MAPRE2: variants seen among roughly 807,000 people sequenced by gnomAD.
The protein encoded by MAPRE2 is microtubule-associated protein RP/EB family member 2.
MAPRE2 carries 13 observed loss-of-function variants against 43.2 expected under a neutral mutation model. The ratio of observed to expected loss-of-function variants is 0.30; its 90% confidence interval spans 0.20 to 0.48. The LOEUF is 0.48. Among genes scored for constraint, MAPRE2 ranks in the 20% least tolerant of loss-of-function variants. The probability of loss-of-function intolerance (pLI) is 0.99; values close to 1 mark genes in which losing one functional copy is unlikely to be tolerated. For missense variants in MAPRE2, 161 were observed against 400.2 expected, an observed-to-expected ratio of 0.40 and a Z score of 5.10; for synonymous variants, 135 against 148.8, an observed-to-expected ratio of 0.91 and a Z score of 0.68.
At chr18:35,044,359 T>C (rs1905514492) in intron 1 of MAPRE2, among the ~76,000 whole-genome samples, 1 of 152,178 alleles carries the variant, frequency 6.6e-6, no homozygotes, top group African/African-American at 2.4e-5. Flanking sequence ...GCCTCACGAG[T>C]AGCTGGGATT....
intron 1 of MAPRE2, among the ~76,000 whole-genome samples, chr18:34,995,017 A>G (rs1401336327): frequency 6.6e-6 from 1 of 152,176 alleles, no homozygotes; most frequent in Non-Finnish European, 1.5e-5. Context: ...ACCAACTCAT[A>G]TTTCCATAGA....
chr18:35,053,893 G>A (rs1906081436), intron 1 of MAPRE2, among the ~76,000 whole-genome samples: 1 of 152,104 alleles, frequency 6.6e-6, no homozygotes, highest in Non-Finnish European at 1.5e-5. Flanking sequence ...CATGACATGA[G>A]TTTACCTATA....
intron 4 of MAPRE2, among the ~76,000 whole-genome samples, chr18:35,121,693 A>G (rs1209994506): frequency 1.3e-5 from 2 of 152,214 alleles, no homozygotes; most frequent in Admixed American, 6.5e-5. Context: ...AAAAGCTGTT[A>G]TGTAAATGTT....
At chr18:35,024,586 A>C (rs2097043990) in intron 2 of MAPRE2, among the ~76,000 whole-genome samples, 1 of 152,232 alleles carries the variant, frequency 6.6e-6, no homozygotes, top group Admixed American at 6.5e-5. Context: ...GAGTATCTGC[A>C]GATCAGGATC....
chr18:35,027,881 G>A (rs144160379), intron 2 of MAPRE2, among the ~76,000 whole-genome samples: 104 of 152,182 alleles, frequency 6.8e-4, no homozygotes, highest in African/African-American at 2.4e-3. Context: ...CACATATTTG[G>A]AGCCTTGGTA....
At chr18:35,059,859 T>C (rs1188635270) in intron 1 of MAPRE2, among the ~76,000 whole-genome samples, 1 of 152,152 alleles carries the variant, frequency 6.6e-6, no homozygotes, top group African/African-American at 2.4e-5. Context: ...GTCATTTGTT[T>C]CTTATTATGA....
chr18:35,062,512 T>G (rs1906585471), intron 1 of MAPRE2, among the ~76,000 whole-genome samples: 3 of 152,266 alleles, frequency 2.0e-5, no homozygotes, highest in Non-Finnish European at 4.4e-5. Flanking sequence ...CCTGCTATGC[T>G]GGAACAGGCC....
chr18:35,105,025 G>A (rs1436976993), intron 4 of MAPRE2, among the ~76,000 whole-genome samples: 3 of 151,712 alleles, frequency 2.0e-5, no homozygotes, highest in Non-Finnish European at 4.4e-5. Context: ...TTTCTCATTG[G>A]TACCAATATT....
intron 4 of MAPRE2, among the ~76,000 whole-genome samples, chr18:35,102,452 T>C (rs1455717480): frequency 6.6e-6 from 1 of 152,226 alleles, no homozygotes; most frequent in Non-Finnish European, 1.5e-5. Context: ...CTTTTAGTTT[T>C]TCGAGAAATT....
chr18:34,985,080 A>T (rs1286262805), intron 1 of MAPRE2, among the ~76,000 whole-genome samples: 1 of 88,462 alleles, frequency 1.1e-5, no homozygotes, highest in African/African-American at 4.9e-5. Context: ...AAAATATATT[A>T]TAAAAATATA....
At chr18:34,999,292 CTATAA>C (rs2097028164) in intron 1 of MAPRE2, among the ~76,000 whole-genome samples, 2 of 152,220 alleles carry the variant, frequency 1.3e-5, no homozygotes, top group African/African-American at 4.8e-5. Context: ...CTTTACAGAA[CTATAA>C]TATATGTGTT....
chr18:35,008,946 T>TGG (rs201030814), intron 2 of MAPRE2, among the ~76,000 whole-genome samples: 4,861 of 150,612 alleles, frequency 0.032, 121 homozygotes, highest in Non-Finnish European at 0.044. Context: ...CTGAGTGTTT[T>TGG]GGGGTGTGTG....
intron 1 of MAPRE2, among the ~76,000 whole-genome samples, chr18:35,059,121 C>T (rs1906388984): frequency 6.6e-6 from 1 of 152,204 alleles, no homozygotes; most frequent in Non-Finnish European, 1.5e-5. Context: ...ATTGTAACTT[C>T]TAATCTAGTT....
intron 2 of MAPRE2, among the ~76,000 whole-genome samples, chr18:35,008,235 C>T (rs767811086): frequency 2.6e-4 from 39 of 151,988 alleles, no homozygotes; most frequent in Non-Finnish European, 4.0e-4. Flanking sequence ...AGCAATAGCT[C>T]ATTAGTAGGC....
At chr18:35,107,743 A>C (rs769756947) in intron 4 of MAPRE2, among the ~76,000 whole-genome samples, 16 of 152,134 alleles carry the variant, frequency 1.1e-4, no homozygotes, top group Non-Finnish European at 1.5e-4. Flanking sequence ...GGTATTATTC[A>C]GATCTTCTAT....
intron 2 of MAPRE2, among the ~76,000 whole-genome samples, chr18:35,088,769 G>T (rs565952150): frequency 6.6e-6 from 1 of 152,278 alleles, no homozygotes; most frequent in African/African-American, 2.4e-5. Context: ...GAGCAAAAGA[G>T]GTGGTCAATA....
chr18:35,038,033 C>T (rs1216672418), upstream of MAPRE2, among the ~76,000 whole-genome samples: 2 of 152,228 alleles, frequency 1.3e-5, no homozygotes, highest in Admixed American at 6.5e-5. Flanking sequence ...CTGACCCCTA[C>T]AGCTGTAGTA....
chr18:34,985,508 AAT>A lies in MAPRE2; in HGVS notation c.-70+8438_-70+8439del, dbSNP rs564404150. On this transcript the variant is annotated intron_variant, in intron 1 of 7. Transcript: ENST00000413393. ...ATATATTGTATATTATATAATATAT[AAT>A]ATATATATTATATATTATAAATATA... 4.6e-4 allele frequency among the ~76,000 whole-genome samples: 28 copies of A among 61,366 alleles called. 3 individuals carry two copies. The highest frequency in any genetic ancestry group is 1.8e-3 in the African/African-American group (22 of 12,334). 40.3% of individuals were successfully genotyped at this position (61,366 alleles called of 152,430 possible).
intron 2 of MAPRE2, among the ~76,000 whole-genome samples, chr18:35,027,492 C>T (rs147362655): frequency 2.0e-3 from 308 of 152,254 alleles, no homozygotes; most frequent in Admixed American, 3.5e-3. Context: ...AGCCACCAGT[C>T]ATGAGACTGA....
Sources: gnomAD v4.1 joint callset for allele counts (sites outside exome capture counted in the v4.1 genomes callset) on GRCh38, gnomAD v4.1.1 for gene constraint, MANE v1.5 for transcripts, NCBI Gene and HGNC (gene_info 2026-07-23, HGNC 2026-07-21) for gene names.